UHRF2: variants seen among roughly 807,000 people sequenced by gnomAD.
The protein encoded by UHRF2 is ubiquitin like with PHD and ring finger domains 2, also known as E3 ubiquitin-protein ligase UHRF2.
Under a neutral mutation model 96.8 loss-of-function variants are expected in UHRF2, and 23 were observed. The observed-to-expected ratio is 0.24, with a 90% confidence interval of 0.17 to 0.34. UHRF2 has a LOEUF of 0.34. UHRF2 is among the 10% of genes least tolerant of loss of function. The pLI is 1.00. For missense variants in UHRF2, 685 were observed against 981.5 expected (o/e 0.70, Z 4.04); for synonymous variants, 385 against 332.6 (o/e 1.16, Z -1.72).
intron 9 of UHRF2, among the ~76,000 whole-genome samples, chr9:6,490,221 A>G (rs1824575961): frequency 6.6e-6 from 1 of 152,220 alleles, no homozygotes; most frequent in Non-Finnish European, 1.5e-5. Context: ...CCCCATCTGT[A>G]AAAAGAAGAA....
At chr9:6,451,887 C>G (rs913249996) in intron 3 of UHRF2, among the ~76,000 whole-genome samples, 1 of 151,990 alleles carries the variant, frequency 6.6e-6, no homozygotes. Context: ...TGGGTTCAAG[C>G]GATTCTCCTG....
intron 8 of UHRF2, among the ~76,000 whole-genome samples, chr9:6,484,865 C>T (rs1349102419): frequency 1.5e-5 from 2 of 133,974 alleles, no homozygotes; most frequent in Non-Finnish European, 3.0e-5. Context: ...ACAATCTCGG[C>T]TCACCGCAAC....
intron 9 of UHRF2, 52 bp downstream of exon 9, chr9:6,486,977 A>G (rs748529349): frequency 4.7e-5 from 73 of 1,549,156 alleles, no homozygotes; most frequent in Non-Finnish European, 6.0e-5. Context: ...CCATTTGTAA[A>G]ATAGAATAGC....
intron 9 of UHRF2, among the ~76,000 whole-genome samples, chr9:6,490,558 G>A (rs1824599494): frequency 6.6e-6 from 1 of 152,234 alleles, no homozygotes. Context: ...AACCCAGGAA[G>A]CAGAGGTTGC....
Position 6,506,180 on chromosome 9 carries a change from T to A in UHRF2, c.*1T>A. 6.2e-7 allele frequency: 1 copy of A among 1,614,038 alleles called. No individual in the cohort carries two copies. The highest frequency in any genetic ancestry group is 8.5e-7 in the Non-Finnish European group (1 of 1,179,968). On this transcript the variant is annotated 3_prime_UTR_variant, in exon 16 of 16. Transcript: ENST00000276893. ...CCCTGGCTACAGCAAAGGACGATGA[T>A]CTGCCTGCTTTCACTGTGTTGTTCA...
intron 9 of UHRF2, among the ~76,000 whole-genome samples, chr9:6,490,466 A>G (rs145554276): frequency 0.014 from 2,192 of 152,238 alleles, 50 homozygotes; most frequent in African/African-American, 0.049. Context: ...CGTCTCTACT[A>G]AAAGTACAAA....
rs1171172143 is a variant in UHRF2 at position 6,428,533 on chromosome 9, C to CTTTTTTTTTTTTTTTTTTTT, written c.385-5362_385-5343dup. 2.1e-4 allele frequency among the ~76,000 whole-genome samples: 14 copies of CTTTTTTTTTTTTTTTTTTTT among 65,420 alleles called. 2 individuals carry two copies. Among genetic ancestry groups the CTTTTTTTTTTTTTTTTTTTT allele is most frequent in the East Asian group, 6.0e-4 (1 of 1,670 alleles). The allele number at this position is 65,420 out of a possible 152,430, so 42.9% of individuals were successfully genotyped here. On this transcript the variant is annotated intron_variant, in intron 2 of 15. Coordinates refer to ENST00000276893, the MANE Select transcript of UHRF2 (RefSeq NM_152896.3). ...TGTAAATGGAACCATATTGCTTTTG[C>CTTTTTTTTTTTTTTTTTTTT]TTTTTTTTTTTTTTTTTTTTTTTTT...
intron 3 of UHRF2, among the ~76,000 whole-genome samples, chr9:6,445,130 T>A (rs143852538): frequency 7.0e-5 from 8 of 114,152 alleles, no homozygotes; most frequent in Admixed American, 9.6e-5. Context: ...ATCTCTTATT[T>A]AAAAAAAAAA....
rs1218298873 is a variant in UHRF2 at position 6,460,690 on chromosome 9, A to C, written c.762A>C (p.Val254=). Reference sequence around the variant, plus strand: ...ATGTGGTAATGGTTAATTATAATGTAGAAAGTCCTGGACAAAGAGGATTCT... The same window carrying C: ...ATGTGGTAATGGTTAATTATAATGTCGAAAGTCCTGGACAAAGAGGATTCT... ...VGDVVMVNYN[V]ESPGQRGFWF... is the part of the protein sequence containing the mutation. The change falls in exon 4 of 16, where the codon GTA becomes GTC. Residue 254 remains valine (V), a synonymous_variant. Transcript: ENST00000276893. 2.5e-6 allele frequency: 4 copies of C among 1,613,988 alleles called. No homozygotes were observed. Among genetic ancestry groups the C allele is most frequent in the Non-Finnish European group, 3.4e-6 (4 of 1,179,982 alleles).
intron 4 of UHRF2, among the ~76,000 whole-genome samples, chr9:6,461,078 C>T (rs1381146156): frequency 6.6e-6 from 1 of 152,062 alleles, no homozygotes; most frequent in Non-Finnish European, 1.5e-5. Flanking sequence ...ATAGATTGAA[C>T]AAAACAATAT....
At chr9:6,484,431 G>C (rs1188625866) in intron 8 of UHRF2, among the ~76,000 whole-genome samples, 5 of 117,148 alleles carry the variant, frequency 4.3e-5, no homozygotes, top group Non-Finnish European at 1.8e-5. Flanking sequence ...CCTCCCTCCT[G>C]TCTCTTCCCT....
chr9:6,496,924 T>C (rs1334399053), intron 10 of UHRF2: 1 of 283,628 alleles, frequency 3.5e-6, no homozygotes, highest in Non-Finnish European at 6.5e-6. Flanking sequence ...TCTAGTTGTT[T>C]TCTATTATAC....
chr9:6,481,570 G>A (rs1823928547), intron 6 of UHRF2, 73 bp from the exon 7 acceptor site: 11 of 1,539,250 alleles, frequency 7.1e-6, no homozygotes, highest in Non-Finnish European at 7.9e-6. Context: ...TCTTACCTAG[G>A]AAGGCTAATA....
chr9:6,465,621 G>C (rs1822814123), intron 4 of UHRF2, among the ~76,000 whole-genome samples: 1 of 152,134 alleles, frequency 6.6e-6, no homozygotes, highest in Admixed American at 6.5e-5. Flanking sequence ...AATCTGTTAC[G>C]ATGTTTTTTA....
intron 1 of UHRF2, chr9:6,415,408 G>A (rs1438885757): frequency 3.3e-5 from 5 of 152,228 alleles, no homozygotes; most frequent in African/African-American, 1.2e-4. Context: ...AACAGAAAAG[G>A]AAGGTCATTG....
chr9:6,416,666 A>G (rs1051043560), intron 1 of UHRF2, among the ~76,000 whole-genome samples: 7 of 149,914 alleles, frequency 4.7e-5, no homozygotes, highest in African/African-American at 1.7e-4. Context: ...CAGCCTCCCG[A>G]GTAGCTGGGA....
intron 3 of UHRF2, 74 bp from the exon 4 acceptor site, chr9:6,460,499 G>A (rs1822473032): frequency 7.8e-7 from 1 of 1,289,142 alleles, no homozygotes; most frequent in Non-Finnish European, 1.1e-6. Flanking sequence ...CAGCAAATTA[G>A]GTTTTTCTGT....
chr9:6,432,582 T>C (rs907934240), intron 2 of UHRF2, among the ~76,000 whole-genome samples: 18 of 152,178 alleles, frequency 1.2e-4, no homozygotes, highest in Non-Finnish European at 8.8e-5. Flanking sequence ...TTTTGTAAAA[T>C]AGGAATTAAA....
At chr9:6,499,758 T>A (rs1825168361) in intron 12 of UHRF2, 77 bp from the exon 13 acceptor site, 2 of 916,132 alleles carry the variant, frequency 2.2e-6, no homozygotes, top group Non-Finnish European at 3.2e-6. Flanking sequence ...CCCTTTTAAT[T>A]TCTCACCAGG....
Sources: gnomAD v4.1 joint callset for allele counts (sites outside exome capture counted in the v4.1 genomes callset) on GRCh38, gnomAD v4.1.1 for gene constraint, MANE v1.5 for transcripts, NCBI Gene and HGNC (gene_info 2026-07-23, HGNC 2026-07-21) for gene names.